Variants in ADAMTS15 observed in about 807,000 individuals in gnomAD.
The protein encoded by ADAMTS15 is ADAM metallopeptidase with thrombospondin type 1 motif 15, also known as A disintegrin and metalloproteinase with thrombospondin motifs 15.
ADAMTS15 carries 35 observed loss-of-function variants against 79.1 expected under a neutral mutation model. The observed-to-expected ratio is 0.44, with a 90% CI of 0.34 to 0.59. The LOEUF (loss-of-function observed/expected upper bound fraction) is 0.59, where lower values mean the gene tolerates loss of function less well. Among genes scored for constraint, ADAMTS15 ranks in the 20% least tolerant of loss-of-function variants. The pLI is 0.02. For missense variants in ADAMTS15, 1,324 were observed against 1,318.7 expected (o/e 1.00, Z -0.06); for synonymous variants, 616 against 567.3 (o/e 1.09, Z -1.22).
In ADAMTS15 at chr11:130,473,213, G is replaced by A; in HGVS notation, c.2245G>A (p.Asp749Asn). The part of the protein sequence containing the change: ...GHFVVSAVER[D>N]LVVKGSLLRY... ...TTTCGTGGTGTCGGCGGTGGAGCGG[G>A]ACCTGGTGGTGAAGGGCAGTCTGCT... Residue 749 changes from aspartate (D) to asparagine (N), a missense_variant, in exon 8 of 8, where the codon GAC becomes AAC. Transcript: ENST00000299164. 6.2e-7 allele frequency: 1 copy of A among 1,613,946 alleles called. No homozygotes were observed. Among genetic ancestry groups the A allele is most frequent in the African/African-American group, 1.3e-5 (1 of 75,078 alleles).
Position 130,469,244 on chromosome 11 carries a change from A to G in ADAMTS15, c.1543-18A>G, listed in dbSNP as rs1392019983. On this transcript the variant is annotated intron_variant, in intron 4 of 7. Transcript: ENST00000299164. Reference sequence around the variant, plus strand: ...GCACCTGGATCCACCAAGGAATATAACAGGCTCTTCCTCACAGGTGGATGG... The same window carrying G: ...GCACCTGGATCCACCAAGGAATATAGCAGGCTCTTCCTCACAGGTGGATGG... The G allele has an allele frequency of 1.7e-5, 24 of 1,381,274 alleles. No individual in the cohort carries two copies. The East Asian group carries it at 6.4e-4, about 37-fold the overall frequency. The allele number at this position is 1,381,274 out of a possible 1,614,324, so 85.6% of individuals were successfully genotyped here.
chr11:130,468,231 A>G (rs1938343632), intron 4 of ADAMTS15, among the ~76,000 whole-genome samples: 1 of 152,190 alleles, frequency 6.6e-6, no homozygotes, highest in South Asian at 2.1e-4. Flanking sequence ...AGGCCCGAGT[A>G]TTAGTATTAT....
rs572343071 is a variant in ADAMTS15, at chr11:130,457,695, A to G, written c.958-3794A>G. 1.5e-3 allele frequency among the ~76,000 whole-genome samples: 222 copies of G among 152,300 alleles called. 1 individual carries two copies. Among genetic ancestry groups the G allele is most frequent in the Non-Finnish European group, 2.5e-3 (169 of 68,026 alleles). On this transcript the variant is annotated intron_variant, in intron 1 of 7. Coordinates refer to ENST00000299164, the MANE Select transcript of ADAMTS15 (RefSeq NM_139055.4). ...TTTTGGAGGCAAGCACTTGGGCTGAAGAGGTTAAGGCAGTTTTAGTGCCTC... is the reference window on the plus strand; with the variant it reads ...TTTTGGAGGCAAGCACTTGGGCTGAGGAGGTTAAGGCAGTTTTAGTGCCTC...
chr11:130,464,015 G>A (rs1424957578), intron 4 of ADAMTS15, among the ~76,000 whole-genome samples: 1 of 152,188 alleles, frequency 6.6e-6, no homozygotes, highest in Non-Finnish European at 1.5e-5. Context: ...CAGAAACAGA[G>A]CAAGGCAAGG....
intron 4 of ADAMTS15, among the ~76,000 whole-genome samples, chr11:130,466,317 C>T (rs1331790874): frequency 6.6e-6 from 1 of 152,196 alleles, no homozygotes; most frequent in Non-Finnish European, 1.5e-5. Flanking sequence ...TTTGCATCTT[C>T]AGTCCAGGCC....
At chr11:130,450,328 T>A (rs1937938576) in intron 1 of ADAMTS15, 1 of 985,302 alleles carries the variant, frequency 1.0e-6, no homozygotes, top group East Asian at 1.1e-4. Flanking sequence ...TATGGGCGGC[T>A]GAGTCTTCTC....
chr11:130,465,753 G>T (rs1727558315), intron 4 of ADAMTS15, among the ~76,000 whole-genome samples: 1 of 151,776 alleles, frequency 6.6e-6, no homozygotes, highest in Admixed American at 6.6e-5. Flanking sequence ...TCTGGGCCCT[G>T]GAACAGGGTC....
intron 1 of ADAMTS15, among the ~76,000 whole-genome samples, chr11:130,458,803 G>GC (rs947529525): frequency 4.6e-5 from 7 of 152,142 alleles, no homozygotes; most frequent in African/African-American, 1.7e-4. Context: ...GTAGGTGCCT[G>GC]CCCCCGCAGG....
At position 130,453,671 on chromosome 11, in the gene ADAMTS15, C is replaced by T. The variant is rs562938532; in HGVS notation, c.957+3741C>T. ...TGAACTCCTGGCCTCAAGAGATCCT[C>T]CTGCCTCAGCCTCCCAACGTTTTGG... On this transcript the variant is annotated intron_variant, in intron 1 of 7. Coordinates refer to ENST00000299164, the MANE Select transcript of ADAMTS15 (RefSeq NM_139055.4). 5.3e-5 allele frequency among the ~76,000 whole-genome samples: 8 copies of T among 152,310 alleles called. No homozygotes were observed. In the South Asian group the frequency reaches 1.5e-3, roughly 28 times the overall value.
intron 4 of ADAMTS15, among the ~76,000 whole-genome samples, chr11:130,466,452 G>A (rs974951901): frequency 3.3e-5 from 5 of 152,130 alleles, no homozygotes; most frequent in Admixed American, 1.3e-4. Flanking sequence ...AAGCTGCGCT[G>A]GCAACTCCAC....
At chr11:130,456,082 C>G (rs999234936) in intron 1 of ADAMTS15, among the ~76,000 whole-genome samples, 3 of 152,170 alleles carry the variant, frequency 2.0e-5, no homozygotes, top group Admixed American at 6.5e-5. Context: ...CTGTGTGACC[C>G]TGGGCTAGTT....
At chr11:130,470,456 A>G (rs115047163) in intron 5 of ADAMTS15, among the ~76,000 whole-genome samples, 1,956 of 151,514 alleles carry the variant, frequency 0.013, 43 homozygotes, top group African/African-American at 0.045. Context: ...ACCTCTGGTG[A>G]TCTGCCCGTC....
At chr11:130,470,209 T>TAG (rs1491377478) in intron 5 of ADAMTS15, among the ~76,000 whole-genome samples, 1 of 60,130 alleles carries the variant, frequency 1.7e-5, no homozygotes. Flanking sequence ...TATATATATA[T>TAG]GTATATATAT....
In ADAMTS15 at chr11:130,473,844, C is replaced by A; in HGVS notation, c.*23C>A. ...TGAGTGGGGTCATCGCTTTCTCCCC[C>A]TCACTCTCCACCCCACTGATATGCC... On this transcript the variant is annotated 3_prime_UTR_variant, in exon 8 of 8. Coordinates refer to ENST00000299164, the MANE Select transcript of ADAMTS15 (RefSeq NM_139055.4). 6.4e-7 allele frequency: 1 copy of A among 1,570,552 alleles called. No homozygotes were observed. The highest frequency in any genetic ancestry group is 1.2e-5 in the South Asian group (1 of 86,678).
At position 130,473,466 on chromosome 11, in the gene ADAMTS15, A is replaced by G. The variant is rs1223584806; in HGVS notation, c.2498A>G (p.Glu833Gly). ...NSVLSLSNQVEQPDDRPPARW... is the reference protein window; with the variant it reads ...NSVLSLSNQVGQPDDRPPARW... ...GTCCTCAGCCTCTCCAACCAGGTGGAGCAGCCGGACGACAGGCCCCCTGCA... is the reference window on the plus strand; with the variant it reads ...GTCCTCAGCCTCTCCAACCAGGTGGGGCAGCCGGACGACAGGCCCCCTGCA... The change falls in exon 8 of 8, where the codon GAG becomes GGG. Residue 833 changes from glutamate (E) to glycine (G), a missense_variant. Glu to Gly is a moderately conservative substitution (Grantham distance 98). Transcript: ENST00000299164. 1 of 1,612,262 alleles carries G rather than the reference A, an allele frequency of 6.2e-7. No individual in the cohort carries two copies. Among genetic ancestry groups the G allele is most frequent in the East Asian group, 2.2e-5 (1 of 44,868 alleles).
rs765641066 is a variant in ADAMTS15, at chr11:130,462,721, G to A, written c.1483G>A (p.Glu495Lys). 7.5e-6 allele frequency: 12 copies of A among 1,609,956 alleles called. No individual in the cohort carries two copies. The highest frequency in any genetic ancestry group is 2.2e-5 in the East Asian group (1 of 44,690). The change falls in exon 4 of 8, where the codon GAG (glutamate) becomes AAG (lysine). Residue 495 changes from glutamate (E) to lysine (K), a missense_variant. By Grantham distance (56) the Glu-to-Lys change is moderately conservative. Transcript: ENST00000299164. This position sits in a 1 kb window ranked among gnomAD's most constrained non-coding sequence, Gnocchi z 4.3. ...FPWADGTSCG[E>K]GKLCLKGACV... ...CTGGGCCGATGGCACCAGCTGTGGC[G>A]AGGGCAAGCTCTGCCTCAAAGGGGC...
chr11:130,469,452 G>T lies in ADAMTS15; in HGVS notation c.1720+13G>T. The stretch of plus-strand genomic sequence containing the variant: ...TGCCCCAGCTCAGGTGAGGTGGGGA[G>T]AGCAGTGGTGGCCTGGGCCCAGGGG... On this transcript the variant is annotated intron_variant, in intron 5 of 7. Coordinates refer to ENST00000299164, the MANE Select transcript of ADAMTS15 (RefSeq NM_139055.4). 7.5e-7 allele frequency: 1 copy of T among 1,327,774 alleles called. No homozygotes were observed. The highest frequency in any genetic ancestry group is 9.7e-7 in the Non-Finnish European group (1 of 1,030,578). 82.2% of individuals were successfully genotyped at this position (1,327,774 alleles called of 1,614,324 possible).
In ADAMTS15 at chr11:130,468,070, A is replaced by G. The variant is rs558618045; in HGVS notation, c.1543-1192A>G. On this transcript the variant is annotated intron_variant, in intron 4 of 7. Transcript: ENST00000299164. ...ATGCCTTAGGGATGCCTGTGAATGC[A>G]CTAACAACAAATAAAGGGAATCTTT... 5.3e-5 allele frequency among the ~76,000 whole-genome samples: 8 copies of G among 152,346 alleles called. No homozygotes were observed. In the South Asian group the frequency reaches 1.2e-3, roughly 24 times the overall value.
intron 1 of ADAMTS15, among the ~76,000 whole-genome samples, chr11:130,456,822 A>G (rs1377209303): frequency 1.3e-5 from 2 of 152,200 alleles, no homozygotes; most frequent in African/African-American, 2.4e-5. Context: ...TCCTGTGAGT[A>G]TAATACCTGG....
Sources: gnomAD v4.1 joint callset for allele counts (sites outside exome capture counted in the v4.1 genomes callset) on GRCh38, gnomAD v4.1.1 for gene constraint, Gnocchi (gnomAD v3.1) non-coding constraint, MANE v1.5 for transcripts, NCBI Gene and HGNC (gene_info 2026-07-23, HGNC 2026-07-21) for gene names.